MAP3K5: variants seen among roughly 807,000 people sequenced by gnomAD.
MAP3K5 encodes ASK-1.
A neutral mutation model predicts 158.7 loss-of-function variants in MAP3K5; 56 were observed. That is an observed-to-expected ratio of 0.35 (90% CI 0.28 to 0.44). MAP3K5 has a LOEUF of 0.44. Ranked by LOEUF, MAP3K5 falls within the 20% of genes least tolerant of loss-of-function variation. MAP3K5 has a pLI of 1.00. For synonymous variants in MAP3K5, 579 were observed against 601.7 expected (o/e 0.96, Z 0.55); for missense variants, 1,294 against 1,674.8 (o/e 0.77, Z 3.97).
At chr6:136,608,178 A>C (rs1437820971) in intron 18 of MAP3K5, among the ~76,000 whole-genome samples, 1 of 151,954 alleles carries the variant, frequency 6.6e-6, no homozygotes, top group Non-Finnish European at 1.5e-5. Context: ...ACAGAAGAAG[A>C]GTAGGAAATG....
At chr6:136,653,797 A>G (rs1026757620) in intron 10 of MAP3K5, among the ~76,000 whole-genome samples, 4 of 152,358 alleles carry the variant, frequency 2.6e-5, no homozygotes, top group Middle Eastern at 3.4e-3. Flanking sequence ...GCTTCTTGGT[A>G]GACTGGCATT....
At chr6:136,595,750 C>G (rs1157289236) in intron 21 of MAP3K5, among the ~76,000 whole-genome samples, 1 of 152,172 alleles carries the variant, frequency 6.6e-6, no homozygotes, top group Non-Finnish European at 1.5e-5. Flanking sequence ...GGCGCGGTGG[C>G]TCACGGCTGT....
chr6:136,612,719 A>T (rs1021108620), intron 17 of MAP3K5, among the ~76,000 whole-genome samples: 2 of 152,168 alleles, frequency 1.3e-5, no homozygotes, highest in African/African-American at 4.8e-5. Context: ...TTTTTCTTCT[A>T]ACCATTCATC....
chr6:136,586,508 C>CT (rs1173157575), intron 23 of MAP3K5, among the ~76,000 whole-genome samples: 1 of 152,196 alleles, frequency 6.6e-6, no homozygotes, highest in African/African-American at 2.4e-5. Context: ...TGACTCCAGT[C>CT]TCTCCATGTT....
chr6:136,567,644 T>C lies in MAP3K5; in HGVS notation c.3748A>G (p.Ile1250Val), dbSNP rs35551087. The C allele has an allele frequency of 9.5e-4, 1,530 of 1,613,808 alleles. 25 individuals carry two copies. The East Asian group carries it at 0.031, about 32-fold the overall frequency. ...TGTAGGACTTACCTATTGGTTTCTA[T>C]TTTCATCCTTCCAAGCTGTACATTC... Reference protein sequence around the residue: ...SLNVQLGRMKIETNRLLEELV... With the variant: ...SLNVQLGRMKVETNRLLEELV... The change falls in exon 26 of 30, where the codon ATA becomes GTA. Residue 1250 changes from isoleucine (I) to valine (V), a missense_variant. Coordinates refer to ENST00000359015, the MANE Select transcript of MAP3K5 (RefSeq NM_005923.4).
At chr6:136,605,514 C>T (rs923768948) in intron 18 of MAP3K5, 148 bp from the exon 19 acceptor site, 61 of 650,892 alleles carry the variant, frequency 9.4e-5, no homozygotes, top group Admixed American at 6.5e-5. Context: ...TTCCAGTTTT[C>T]TCTGCTATTA....
chr6:136,648,363 G>C (rs1269372766), intron 11 of MAP3K5, among the ~76,000 whole-genome samples: 1 of 152,092 alleles, frequency 6.6e-6, no homozygotes. Flanking sequence ...CTAAATTTTG[G>C]ATGTAGCCAG....
intron 14 of MAP3K5, chr6:136,636,779 T>C (rs765256853): frequency 4.5e-5 from 42 of 940,932 alleles, no homozygotes; most frequent in African/African-American, 7.1e-5. Flanking sequence ...CAAGTCTCTA[T>C]AAAAATAAAA....
In MAP3K5 at chr6:136,592,567, T is replaced by C. The variant is rs775814001; in HGVS notation, c.2926A>G (p.Thr976Ala). The C allele has an allele frequency of 6.2e-7, 1 of 1,614,026 alleles. No homozygotes were observed. The highest frequency in any genetic ancestry group is 8.5e-7 in the Non-Finnish European group (1 of 1,179,984). ...GAGCCGTACTCACTGCTGCTGCTGGTGTCCTCCACCAGCACAGGTACCGGC... is the reference window on the plus strand; with the variant it reads ...GAGCCGTACTCACTGCTGCTGCTGGCGTCCTCCACCAGCACAGGTACCGGC... ...SLPVPVLVED[T>A]SSSSEYGSVS... Residue 976 changes from threonine (T) to alanine (A), a missense_variant, in exon 22 of 30, where the codon ACC becomes GCC. Physicochemically the swap from Thr to Ala is moderately conservative, Grantham distance 58. This residue lies in a region of MAP3K5 where 362 missense variants were observed against 463.2 expected (regional missense o/e 0.78). Transcript: ENST00000359015.
In MAP3K5 at chr6:136,704,638, C is replaced by T. The variant is rs1344997340; in HGVS notation, c.612+472G>A. ...TTGGCTCATTGCAACCTCCGCCTCC[C>T]GGGTTCAAGCGATTCTCCTGCCTCA... On this transcript the variant is annotated intron_variant, in intron 3 of 29. Transcript: ENST00000359015. Among the ~76,000 whole-genome samples the T allele has an allele frequency of 3.9e-5, 6 of 152,226 alleles. No individual in the cohort carries two copies. The South Asian group carries it at 8.3e-4, about 21-fold the overall frequency.
At chr6:136,574,222 C>A (rs754133091) in intron 25 of MAP3K5, among the ~76,000 whole-genome samples, 2 of 152,196 alleles carry the variant, frequency 1.3e-5, no homozygotes, top group Non-Finnish European at 2.9e-5. Flanking sequence ...TGAGCCACCA[C>A]GCTTGGCCTA....
chr6:136,648,345 G>A (rs1204226700), intron 11 of MAP3K5, among the ~76,000 whole-genome samples: 3 of 152,170 alleles, frequency 2.0e-5, no homozygotes, highest in African/African-American at 7.2e-5. Flanking sequence ...CCTATTGGTA[G>A]AGTGTCTCTA....
intron 15 of MAP3K5, among the ~76,000 whole-genome samples, chr6:136,620,338 T>A (rs1776745873): frequency 6.6e-6 from 1 of 152,220 alleles, no homozygotes; most frequent in African/African-American, 2.4e-5. Context: ...CCTAGGTATA[T>A]TTGATGGATT....
chr6:136,567,591 T>A, intron 26 of MAP3K5, 40 bp downstream of exon 26: 1 of 1,563,464 alleles, frequency 6.4e-7, no homozygotes, highest in South Asian at 1.2e-5. Context: ...TTAGTAAAAG[T>A]AAAAGAAAAG....
intron 5 of MAP3K5, 55 bp downstream of exon 5, chr6:136,697,164 C>A: frequency 6.6e-7 from 1 of 1,505,642 alleles, no homozygotes; most frequent in East Asian, 2.3e-5. Context: ...GTTAATACTC[C>A]CTTATCCCTC....
chr6:136,763,287 T>C (rs1274858154), intron 1 of MAP3K5, among the ~76,000 whole-genome samples: 1 of 152,224 alleles, frequency 6.6e-6, no homozygotes, highest in African/African-American at 2.4e-5. Flanking sequence ...AGATGAAGTC[T>C]TGGATGAGTA....
intron 7 of MAP3K5, among the ~76,000 whole-genome samples, chr6:136,679,093 G>C (rs546678352): frequency 2.6e-5 from 4 of 152,204 alleles, no homozygotes; most frequent in Non-Finnish European, 5.9e-5. Context: ...CTTCTCTTTT[G>C]AGCTTTCAAA....
chr6:136,774,029 T>A (rs1466455026), intron 1 of MAP3K5, among the ~76,000 whole-genome samples: 1 of 152,194 alleles, frequency 6.6e-6, no homozygotes, highest in Non-Finnish European at 1.5e-5. Flanking sequence ...CCCTTCCTTA[T>A]GGAGAGACTC....
At chr6:136,618,022 G>A (rs1038123552) in intron 15 of MAP3K5, among the ~76,000 whole-genome samples, 5 of 152,104 alleles carry the variant, frequency 3.3e-5, no homozygotes, top group African/African-American at 1.2e-4. Context: ...AGTTGGGGGT[G>A]GATGATGAGA....
Sources: allele counts gnomAD v4.1 joint callset (sites outside exome capture counted in the v4.1 genomes callset), GRCh38; gene constraint gnomAD v4.1.1; regional missense constraint gnomAD v4.1.1; transcripts MANE v1.5; gene names NCBI Gene and HGNC (gene_info 2026-07-23, HGNC 2026-07-21).